Variants in POLR1F observed in about 807,000 individuals in gnomAD.
POLR1F encodes the protein DNA-directed RNA polymerase I subunit RPA43.
POLR1F carries 23 observed loss-of-function variants against 21.8 expected under a neutral mutation model. The ratio of observed to expected loss-of-function variants is 1.05; its 90% confidence interval spans 0.76 to 1.49. POLR1F has a LOEUF of 1.49. Among genes scored for constraint, POLR1F ranks in the 40% most tolerant of loss-of-function variants. POLR1F has a pLI of 0.00. For synonymous variants in POLR1F, 162 were observed against 152.8 expected (o/e 1.06, Z -0.45); for missense variants, 435 against 412.1 (o/e 1.06, Z -0.48).
intron 2 of POLR1F, among the ~76,000 whole-genome samples, chr7:19,701,426 G>A (rs1331623570): frequency 6.6e-6 from 1 of 152,156 alleles, no homozygotes; most frequent in African/African-American, 2.4e-5. Context: ...GCGGTTTTTA[G>A]GAGAGGATAA....
rs1449937769 is a variant in POLR1F, at chr7:19,698,507, T to C, written c.826A>G (p.Lys276Glu). The change falls in exon 4 of 4, where the codon AAG becomes GAG. Residue 276 changes from lysine (K) to glutamate (E), a missense_variant. By Grantham distance (56) the Lys-to-Glu change is moderately conservative. Transcript: ENST00000222567. ...NANGIWEEEP[K>E]KKKKKKKHQE... ...TGCTTTTTCTTCTTCTTCTTTTTCT[T>C]TGGCTCCTCCTCCCAGATGCCATTC... The C allele has an allele frequency of 3.1e-6, 5 of 1,606,718 alleles. No homozygotes were observed. The highest frequency in any genetic ancestry group is 4.2e-6 in the Non-Finnish European group (5 of 1,178,234).
intron 1 of POLR1F, among the ~76,000 whole-genome samples, chr7:19,706,552 T>A (rs191913696): frequency 3.3e-5 from 5 of 152,308 alleles, no homozygotes; most frequent in African/African-American, 9.6e-5. Flanking sequence ...TACAGGACAG[T>A]CTGATACAAT....
chr7:19,705,921 A>G (rs926675129), intron 1 of POLR1F, among the ~76,000 whole-genome samples: 3 of 152,192 alleles, frequency 2.0e-5, no homozygotes, highest in Admixed American at 1.3e-4. Flanking sequence ...CTTGTTGGAG[A>G]AAACTTCCCT....
At position 19,707,668 on chromosome 7, in the gene POLR1F, CCTTAT is replaced by C. The variant is rs529657024; in HGVS notation, c.254+1090_254+1094del. Among the ~76,000 whole-genome samples, 55 of 152,332 alleles carry C rather than the reference CCTTAT, an allele frequency of 3.6e-4. No homozygotes were observed. The South Asian group carries it at 5.4e-3, about 15-fold the overall frequency. ...GGTCCCAAGATCCAAATTCTACACT[CCTTAT>C]CTTATTAGATTTCTGTCAAATTTTA... On this transcript the variant is annotated intron_variant, in intron 1 of 3. Transcript: ENST00000222567.
intron 1 of POLR1F, among the ~76,000 whole-genome samples, chr7:19,708,344 G>C (rs1177837987): frequency 2.0e-5 from 3 of 152,156 alleles, no homozygotes; most frequent in Non-Finnish European, 2.9e-5. Flanking sequence ...ATCTTCTATG[G>C]AATGAGAATC....
rs998525280 is a variant in POLR1F, at chr7:19,697,501, C to T, written c.*815G>A. 6.6e-6 allele frequency: 1 copy of T among 152,156 alleles called. No individual in the cohort carries two copies. The highest frequency in any genetic ancestry group is 1.5e-5 in the Non-Finnish European group (1 of 67,994). 9.4% of individuals were successfully genotyped at this position (152,156 alleles called of 1,614,324 possible). A position where few individuals can be genotyped will look rare whatever the true frequency, so the allele number is the denominator to read the frequency against. On this transcript the variant is annotated 3_prime_UTR_variant, in exon 4 of 4. Transcript: ENST00000222567. ...GTGAACAGAACAACTGTTTTCTCTT[C>T]AGCACAATATCTTATAGCCCATTCC... is the stretch of plus-strand genomic sequence containing the variant.
intron 3 of POLR1F, among the ~76,000 whole-genome samples, 156 bp from the exon 4 acceptor site, chr7:19,698,883 A>G (rs1783412348): frequency 6.6e-6 from 1 of 152,164 alleles, no homozygotes; most frequent in Non-Finnish European, 1.5e-5. Flanking sequence ...CTATCCTGTT[A>G]TCCCTCAACC....
chr7:19,704,995 G>T, intron 1 of POLR1F, 75 bp from the exon 2 acceptor site: 5 of 1,440,548 alleles, frequency 3.5e-6, no homozygotes, highest in Non-Finnish European at 3.7e-6. Flanking sequence ...ACAGGGTCTT[G>T]CTCTGTCACC....
Position 19,698,441 on chromosome 7 carries a change from C to A in POLR1F, c.892G>T (p.Asp298Tyr). 6.2e-7 allele frequency: 1 copy of A among 1,612,838 alleles called. No homozygotes were observed. Among genetic ancestry groups the A allele is most frequent in the Non-Finnish European group, 8.5e-7 (1 of 1,179,650 alleles). The change falls in exon 4 of 4, where the codon GAC (aspartate) becomes TAC (tyrosine). Residue 298 changes from aspartate (D) to tyrosine (Y), a missense_variant. By Grantham distance (160) the Asp-to-Tyr change is radical. Coordinates refer to ENST00000222567, the MANE Select transcript of POLR1F (RefSeq NM_001002926.2). ...QDQDPVFQGSDSSGYQSDHKK... is the reference protein window; with the variant it reads ...QDQDPVFQGSYSSGYQSDHKK... ...TGGTCACTTTGGTAACCACTGGAGT[C>A]ACTGCCTTGGAAAACAGGGTCCTGG... is the stretch of plus-strand genomic sequence containing the variant.
intron 2 of POLR1F, among the ~76,000 whole-genome samples, chr7:19,701,534 A>G (rs1783446404): frequency 6.6e-6 from 1 of 152,228 alleles, no homozygotes; most frequent in African/African-American, 2.4e-5. Context: ...AGTTATAGGG[A>G]ATAGTCACAA....
rs1174743511 is a variant in POLR1F at position 19,708,867 on chromosome 7, G to A, written c.150C>T (p.Ala50=). ...GCGCGATGTGCCTTTGGTGCGGCCC[G>A]GCCACCAGGCATGAGTAGCGACTGT... ...LVNSRYSCLV[A]GPHQRHIALS... is the part of the protein sequence containing the mutation. The change falls in exon 1 of 4, where the codon GCC becomes GCT. Residue 50 remains alanine (A), a synonymous_variant. Coordinates refer to ENST00000222567, the MANE Select transcript of POLR1F (RefSeq NM_001002926.2). The A allele has an allele frequency of 6.2e-7, 1 of 1,614,192 alleles. No homozygotes were observed. The highest frequency in any genetic ancestry group is 8.5e-7 in the Non-Finnish European group (1 of 1,180,036).
chr7:19,700,114 G>A lies in POLR1F; in HGVS notation c.563C>T (p.Ala188Val). The A allele has an allele frequency of 3.7e-6, 6 of 1,613,902 alleles. No individual in the cohort carries two copies. Among genetic ancestry groups the A allele is most frequent in the Non-Finnish European group, 5.1e-6 (6 of 1,179,818 alleles). ...EFEVFRLDSD[A>V]AGVFCIRGKL... ...TCCCCGAATGCAGAATACTCCAGCA[G>A]CATCTGAGTCTAAACGAAATACTTC... Residue 188 changes from alanine to valine, a missense_variant, in exon 3 of 4, where the codon GCT (alanine) becomes GTT (valine). By Grantham distance (64) the Ala-to-Val change is moderately conservative. Coordinates refer to ENST00000222567, the MANE Select transcript of POLR1F (RefSeq NM_001002926.2).
At chr7:19,704,732 A>C (rs1460291652) in intron 2 of POLR1F, 47 bp downstream of exon 2, 2 of 1,516,796 alleles carry the variant, frequency 1.3e-6, no homozygotes. Context: ...CAAGTTACAT[A>C]ATTATAGAAT....
Position 19,704,825 on chromosome 7 carries a change from T to C in POLR1F, c.350A>G (p.Glu117Gly). The C allele has an allele frequency of 6.2e-7, 1 of 1,608,338 alleles. No homozygotes were observed. Among genetic ancestry groups the C allele is most frequent in the Non-Finnish European group, 8.5e-7 (1 of 1,178,260 alleles). Reference protein sequence around the residue: ...DDQGHIHLNIEADFVIFCPEP... With the variant: ...DDQGHIHLNIGADFVIFCPEP... ...AGGGCAGAAAATAACAAAATCGGCT[T>C]CAATGTTAAGATGAATGTGTCCTTG... Residue 117 changes from glutamate (E) to glycine (G), a missense_variant, in exon 2 of 4, where the codon GAA (glutamate) becomes GGA (glycine). Glu to Gly is a moderately conservative substitution (Grantham distance 98). Coordinates refer to ENST00000222567, the MANE Select transcript of POLR1F (RefSeq NM_001002926.2).
In POLR1F at chr7:19,708,786, C is replaced by G. The variant is rs150795651; in HGVS notation, c.231G>C (p.Ala77=). 11 of 1,612,862 alleles carry G rather than the reference C, an allele frequency of 6.8e-6. No homozygotes were observed. In the African/African-American group the frequency reaches 1.5e-4, roughly 22 times the overall value. The change falls in exon 1 of 4, where the codon GCG becomes GCC. Residue 77 remains alanine, a synonymous_variant. Transcript: ENST00000222567. ...KRTGIREQLD[A]ELLRYSESLL... ...ACCTCTCAGAATAGCGAAGGAGCTC[C>G]GCATCAAGCTGTTCTCGAATGCCGG...
intron 2 of POLR1F, among the ~76,000 whole-genome samples, chr7:19,701,570 C>T (rs1783446862): frequency 6.6e-6 from 1 of 152,194 alleles, no homozygotes; most frequent in Admixed American, 6.5e-5. Context: ...CAAAAGGTTA[C>T]ATAGCTTGTA....
At position 19,695,484 on chromosome 7, in the gene POLR1F, A is replaced by T. The variant is rs1475082158; in HGVS notation, c.*2832T>A. 1 of 151,570 alleles carries T rather than the reference A, an allele frequency of 6.6e-6. No homozygotes were observed. The highest frequency in any genetic ancestry group is 1.5e-5 in the Non-Finnish European group (1 of 67,892). 9.4% of individuals were successfully genotyped at this position (151,570 alleles called of 1,614,324 possible). A position where few individuals can be genotyped will look rare whatever the true frequency, so the allele number is the denominator to read the frequency against. On this transcript the variant is annotated 3_prime_UTR_variant, in exon 4 of 4. Coordinates refer to ENST00000222567, the MANE Select transcript of POLR1F (RefSeq NM_001002926.2). The stretch of plus-strand genomic sequence containing the variant: ...GATACCATTTGAAACTGTGCTTTTT[A>T]TTTATCAATTTAAAATTATCTGTTG...
rs747854111 is a variant in POLR1F, at chr7:19,700,192, G to A, written c.485C>T (p.Ser162Leu). The A allele has an allele frequency of 2.5e-6, 4 of 1,613,754 alleles. No individual in the cohort carries two copies. Among genetic ancestry groups the A allele is most frequent in the Non-Finnish European group, 3.4e-6 (4 of 1,179,834 alleles). ...CTCCATGGTTTGCCACTGCTCAGCTGACAACTGCTCAGGTTTAGGAATGGA... is the reference window on the plus strand; with the variant it reads ...CTCCATGGTTTGCCACTGCTCAGCTAACAACTGCTCAGGTTTAGGAATGGA... ...NASIPKPEQL[S>L]AEQWQTMEIN... is the part of the protein sequence containing the mutation. Residue 162 changes from serine (S) to leucine (L), a missense_variant, in exon 3 of 4, where the codon TCA becomes TTA. Coordinates refer to ENST00000222567, the MANE Select transcript of POLR1F (RefSeq NM_001002926.2).
In POLR1F at chr7:19,698,085, G is replaced by C. The variant is rs962134072; in HGVS notation, c.*231C>G. ...CTGGAAGAATATGAGAGCTGACAGT[G>C]AGAGCAGCTTTTTATTTTGTATAAA... On this transcript the variant is annotated 3_prime_UTR_variant, in exon 4 of 4. Transcript: ENST00000222567. The C allele has an allele frequency of 2.8e-6, 1 of 356,972 alleles. No homozygotes were observed. Among genetic ancestry groups the C allele is most frequent in the Non-Finnish European group, 4.9e-6 (1 of 202,774 alleles). The allele number at this position is 356,972 out of a possible 1,614,324, so 22.1% of individuals were successfully genotyped here.
Sources: gnomAD v4.1 joint callset for allele counts (sites outside exome capture counted in the v4.1 genomes callset) on GRCh38, gnomAD v4.1.1 for gene constraint, MANE v1.5 for transcripts, NCBI Gene and HGNC (gene_info 2026-07-23, HGNC 2026-07-21) for gene names.